The following JAM2 variants were observed in gnomAD, a reference collection of about 807,000 sequenced individuals.
JAM2 encodes the protein junctional adhesion molecule 2, also known as junctional adhesion molecule B.
JAM2 carries 17 observed loss-of-function variants against 42.0 expected under a neutral mutation model. The ratio of observed to expected loss-of-function variants is 0.40; its 90% CI spans 0.28 to 0.61. The LOEUF (loss-of-function observed/expected upper bound fraction) is 0.61. JAM2 is among the 20% of genes least tolerant of loss of function. The probability of loss-of-function intolerance (pLI) is 0.37; values close to 1 mark genes in which losing one functional copy is unlikely to be tolerated. For synonymous variants in JAM2, 118 were observed against 128.6 expected, an observed-to-expected ratio of 0.92 and a Z score of 0.56; for missense variants, 319 against 358.3, an observed-to-expected ratio of 0.89 and a Z score of 0.89.
chr21:25,653,026 T>C (rs1209367921), intron 1 of JAM2, among the ~76,000 whole-genome samples: 1 of 152,320 alleles, frequency 6.6e-6, no homozygotes, highest in Non-Finnish European at 1.5e-5. Flanking sequence ...AGACTGTCCT[T>C]GTGGCCTAGG....
chr21:25,662,882 AG>A (rs2033125355), intron 1 of JAM2, among the ~76,000 whole-genome samples: 1 of 152,236 alleles, frequency 6.6e-6, no homozygotes, highest in Admixed American at 6.5e-5. Flanking sequence ...TGTATCAAAT[AG>A]TTCCAACATC....
intron 1 of JAM2, among the ~76,000 whole-genome samples, chr21:25,666,746 G>T (rs753327885): frequency 6.6e-6 from 1 of 152,030 alleles, no homozygotes; most frequent in Admixed American, 6.6e-5. Context: ...GTGTTGCCCA[G>T]ACTGGTCTCA....
At chr21:25,646,572 GAA>G (rs148255255) in intron 1 of JAM2, among the ~76,000 whole-genome samples, 1 of 151,926 alleles carries the variant, frequency 6.6e-6, no homozygotes, top group Non-Finnish European at 1.5e-5. Flanking sequence ...GGTGTGGGGG[GAA>G]AGAGAGAGAG....
chr21:25,674,406 TAAAATAA>T (rs959956088), intron 1 of JAM2, among the ~76,000 whole-genome samples: 24 of 151,628 alleles, frequency 1.6e-4, no homozygotes, highest in African/African-American at 3.1e-4. Context: ...AAAAATAAAA[TAAAATAA>T]AAAATAAAAA....
chr21:25,705,277 C>T (rs189368002), intron 6 of JAM2, among the ~76,000 whole-genome samples: 1 of 152,308 alleles, frequency 6.6e-6, no homozygotes, highest in Admixed American at 6.5e-5. Flanking sequence ...GTCACCCAGA[C>T]TGGAGAGAAG....
At chr21:25,713,215 C>T (rs1601072646) in intron 9 of JAM2, among the ~76,000 whole-genome samples, 1 of 152,260 alleles carries the variant, frequency 6.6e-6, no homozygotes, top group East Asian at 1.9e-4. Context: ...CAGACCAGAG[C>T]ACAGAATATC....
intron 1 of JAM2, among the ~76,000 whole-genome samples, chr21:25,682,828 C>G (rs907419917): frequency 6.6e-6 from 1 of 151,826 alleles, no homozygotes; most frequent in South Asian, 2.1e-4. Flanking sequence ...GGAAGATGGT[C>G]TTTTCCTGGA....
At chr21:25,663,166 G>A (rs1164090661) in intron 1 of JAM2, among the ~76,000 whole-genome samples, 1 of 152,162 alleles carries the variant, frequency 6.6e-6, no homozygotes. Context: ...ACTCCACCAT[G>A]GGTGCCTTGA....
chr21:25,655,688 GT>G (rs2032919598), intron 1 of JAM2, among the ~76,000 whole-genome samples: 1 of 120,470 alleles, frequency 8.3e-6, no homozygotes, highest in Non-Finnish European at 1.6e-5. Flanking sequence ...TAGAGACGGG[GT>G]TTCACCCTGT....
At chr21:25,661,898 T>G (rs1353180389) in intron 1 of JAM2, among the ~76,000 whole-genome samples, 4 of 152,116 alleles carry the variant, frequency 2.6e-5, no homozygotes, top group Non-Finnish European at 4.4e-5. Context: ...GCAAAAAATT[T>G]AAATGGGAGA....
In JAM2 at chr21:25,668,825, G is replaced by C. The variant is rs1326268514; in HGVS notation, c.68-15058G>C. On this transcript the variant is annotated intron_variant, in intron 1 of 9. Coordinates refer to ENST00000480456, the MANE Select transcript of JAM2 (RefSeq NM_021219.4). Reference sequence around the variant, plus strand: ...GAAGTAGATTTGACCAAGGATGGGAGCCATGAGAAGAAAAACTAGGAAAGT... The same window carrying C: ...GAAGTAGATTTGACCAAGGATGGGACCCATGAGAAGAAAAACTAGGAAAGT... Among the ~76,000 whole-genome samples the C allele has an allele frequency of 2.6e-5, 4 of 152,296 alleles. No individual in the cohort carries two copies. The East Asian group carries it at 7.7e-4, about 29-fold the overall frequency.
intron 3 of JAM2, chr21:25,692,135 G>C (rs189197702): frequency 6.5e-6 from 1 of 153,628 alleles, no homozygotes; most frequent in African/African-American, 2.4e-5. Flanking sequence ...TCGGAGATGG[G>C]GTGGGAGCAC....
chr21:25,699,799 G>T (rs1360561641), intron 5 of JAM2, among the ~76,000 whole-genome samples: 1 of 143,894 alleles, frequency 6.9e-6, no homozygotes, highest in Non-Finnish European at 1.5e-5. Context: ...AGCCCACTAA[G>T]CCTGATTCAT....
chr21:25,685,518 A>C, intron 2 of JAM2, among the ~76,000 whole-genome samples: 1 of 114,240 alleles, frequency 8.8e-6, no homozygotes. Context: ...AAGAGAGAGA[A>C]TGTCTCAAAA....
chr21:25,709,308 G>T (rs2034335556), intron 7 of JAM2, 126 bp from the exon 8 acceptor site: 13 of 538,918 alleles, frequency 2.4e-5, no homozygotes, highest in South Asian at 2.2e-4. Flanking sequence ...AATTTAGAAG[G>T]TATAAACGTC....
intron 1 of JAM2, among the ~76,000 whole-genome samples, chr21:25,675,155 C>A (rs1601020182): frequency 6.6e-6 from 1 of 152,156 alleles, no homozygotes; most frequent in East Asian, 1.9e-4. Flanking sequence ...GTGTGACAGG[C>A]ATCTCACATG....
At chr21:25,661,489 AGTG>A (rs2033088097) in intron 1 of JAM2, among the ~76,000 whole-genome samples, 1 of 152,110 alleles carries the variant, frequency 6.6e-6, no homozygotes, top group Admixed American at 6.6e-5. Flanking sequence ...AATAAAAATA[AGTG>A]TAGACTTCAT....
chr21:25,679,284 C>A (rs2033572657), intron 1 of JAM2, among the ~76,000 whole-genome samples: 1 of 152,180 alleles, frequency 6.6e-6, no homozygotes, highest in South Asian at 2.1e-4. Context: ...ATAATCAATT[C>A]TCTTTCATAG....
chr21:25,653,676 G>A (rs541431800), intron 1 of JAM2, among the ~76,000 whole-genome samples: 1 of 152,280 alleles, frequency 6.6e-6, no homozygotes, highest in South Asian at 2.1e-4. Flanking sequence ...CTGCCACCAT[G>A]ATTGTTACCT....
Sources: gnomAD v4.1 joint callset for allele counts (sites outside exome capture counted in the v4.1 genomes callset) on GRCh38, gnomAD v4.1.1 for gene constraint, MANE v1.5 for transcripts, NCBI Gene and HGNC (gene_info 2026-07-23, HGNC 2026-07-21) for gene names.